The following RTN4 variants were observed in gnomAD, a reference collection of about 807,000 sequenced individuals.
RTN4 encodes reticulon-4.
RTN4 carries 32 observed loss-of-function variants against 90.4 expected under a neutral mutation model. The observed-to-expected ratio is 0.35, with a 90% CI of 0.27 to 0.48. The LOEUF (loss-of-function observed/expected upper bound fraction) is 0.48, where lower values mean the gene tolerates loss of function less well. Among genes scored for constraint, RTN4 ranks in the 20% least tolerant of loss-of-function variants. The pLI is 0.99. For synonymous variants in RTN4, 629 were observed against 552.5 expected, an observed-to-expected ratio of 1.14 and a Z score of -1.94; for missense variants, 1,706 against 1,430.2, an observed-to-expected ratio of 1.19 and a Z score of -3.11.
intron 1 of RTN4, among the ~76,000 whole-genome samples, chr2:55,108,586 G>A (rs1312918289): frequency 6.6e-6 from 1 of 152,022 alleles, no homozygotes; most frequent in Non-Finnish European, 1.5e-5. Flanking sequence ...GTGGAGGGAT[G>A]GGGGAAGAGG....
At chr2:55,058,474 A>AT (rs1668229811) in intron 2 of RTN4, among the ~76,000 whole-genome samples, 1 of 152,210 alleles carries the variant, frequency 6.6e-6, no homozygotes, top group East Asian at 1.9e-4. Context: ...CATGGTGTAC[A>AT]TGCCAGCTAC....
In RTN4 at chr2:55,094,716, G is replaced by A. The variant is rs145696138; in HGVS notation, c.-213-14077C>T. ...TTGAGATGAATGACAAGGAAGAGCTGACTAGGAGACAATCTGGTGGAAAAC... is the reference window on the plus strand; with the variant it reads ...TTGAGATGAATGACAAGGAAGAGCTAACTAGGAGACAATCTGGTGGAAAAC... On this transcript the variant is annotated intron_variant, in intron 1 of 3. Coordinates refer to the RTN4 transcript ENST00000427710. Among the ~76,000 whole-genome samples the A allele has an allele frequency of 3.3e-5, 5 of 152,236 alleles. No homozygotes were observed. The East Asian group carries it at 7.7e-4, about 24-fold the overall frequency.
At chr2:55,014,794 C>T (rs1680910946) in intron 3 of RTN4, among the ~76,000 whole-genome samples, 1 of 152,114 alleles carries the variant, frequency 6.6e-6, no homozygotes, top group African/African-American at 2.4e-5. Flanking sequence ...GGATTACAGA[C>T]GTGAGCCACT....
intron 2 of RTN4, among the ~76,000 whole-genome samples, chr2:55,064,873 T>C (rs1300954560): frequency 6.6e-6 from 1 of 152,226 alleles, no homozygotes; most frequent in Non-Finnish European, 1.5e-5. Flanking sequence ...AATTTTTCCC[T>C]AACATAACTT....
At chr2:55,133,021 G>A in the RTN4 span, among the ~76,000 whole-genome samples, 1 of 151,492 alleles carries the variant, frequency 6.6e-6, no homozygotes, top group Non-Finnish European at 1.5e-5. Flanking sequence ...AGATCATCCT[G>A]ACCAACATGA....
rs201027753 is a variant in RTN4 at position 55,025,311 on chromosome 2, C to T, written c.2788G>A (p.Glu930Lys). The T allele has an allele frequency of 1.2e-4, 198 of 1,613,922 alleles. No individual in the cohort carries two copies. In the East Asian group the frequency reaches 4.2e-3, roughly 34 times the overall value. ...SLKNIQPKVE[E>K]KISFSDDFSK... Reference sequence around the variant, plus strand: ...AAGTCATCTGAGAAACTGATTTTCTCTTCAACTTTGGGTTGTATGTTCTTC... The same window carrying T: ...AAGTCATCTGAGAAACTGATTTTCTTTTCAACTTTGGGTTGTATGTTCTTC... Residue 930 changes from glutamate (E) to lysine (K), a missense_variant, in exon 3 of 9, where the codon GAG (glutamate) becomes AAG (lysine). Coordinates refer to ENST00000337526, the MANE Select transcript of RTN4 (RefSeq NM_020532.5).
At chr2:55,005,580 T>G (rs1680151957) in intron 3 of RTN4, among the ~76,000 whole-genome samples, 1 of 152,192 alleles carries the variant, frequency 6.6e-6, no homozygotes, top group African/African-American at 2.4e-5. Flanking sequence ...CTAAATAACA[T>G]AACCCAGAAA....
At chr2:55,067,694 C>T (rs1159908264) in intron 2 of RTN4, among the ~76,000 whole-genome samples, 2 of 152,094 alleles carry the variant, frequency 1.3e-5, no homozygotes, top group Non-Finnish European at 2.9e-5. Flanking sequence ...GGATTACAGG[C>T]GTGAGCCCCA....
intron 1 of RTN4, among the ~76,000 whole-genome samples, chr2:55,046,533 C>A (rs1287301424): frequency 6.6e-6 from 1 of 152,184 alleles, no homozygotes; most frequent in African/African-American, 2.4e-5. Context: ...AAAAAAGCCC[C>A]CATAAATCCC....
rs1668006421 is a variant in RTN4 at position 55,049,938 on chromosome 2, G to T, written c.363C>A (p.Ser121=). 18 of 1,345,690 alleles carry T rather than the reference G, an allele frequency of 1.3e-5. No individual in the cohort carries two copies. Among genetic ancestry groups the T allele is most frequent in the Non-Finnish European group, 1.7e-5 (18 of 1,054,802 alleles). 83.4% of individuals were successfully genotyped at this position (1,345,690 alleles called of 1,614,324 possible). The change falls in exon 1 of 9, where the codon TCC becomes TCA. Residue 121 remains serine (S), a synonymous_variant. Transcript: ENST00000337526. ...GCGAGACTGCGGCAGCAGACAGCGGGGATGGCGCGGGCACGGTCGACGACA... is the reference window on the plus strand; with the variant it reads ...GCGAGACTGCGGCAGCAGACAGCGGTGATGGCGCGGGCACGGTCGACGACA... ...SPVSSTVPAP[S]PLSAAAVSPS...
upstream of RTN4, among the ~76,000 whole-genome samples, chr2:55,114,420 C>A (rs570487195): frequency 1.3e-5 from 2 of 152,158 alleles, no homozygotes; most frequent in African/African-American, 4.8e-5. Context: ...AACTCCAGGC[C>A]GGGCGTGGTG....
chr2:55,135,749 CAT>C, the RTN4 span, among the ~76,000 whole-genome samples: 1 of 152,166 alleles, frequency 6.6e-6, no homozygotes, highest in Non-Finnish European at 1.5e-5. Flanking sequence ...GCCAATCCCC[CAT>C]CCCTAATTAC....
upstream of RTN4, among the ~76,000 whole-genome samples, chr2:55,051,258 G>T (rs900906519): frequency 6.6e-6 from 1 of 152,106 alleles, no homozygotes; most frequent in African/African-American, 2.4e-5. Context: ...CTCTTACATG[G>T]TAAGAGAGTG....
At chr2:54,979,382 T>A (rs1250943167) in intron 5 of RTN4, among the ~76,000 whole-genome samples, 2 of 152,192 alleles carry the variant, frequency 1.3e-5, no homozygotes, top group Non-Finnish European at 1.5e-5. Context: ...CTTTTTAAAA[T>A]GCTCTCTATA....
At chr2:55,015,069 T>C (rs1174405647) in intron 3 of RTN4, among the ~76,000 whole-genome samples, 4 of 152,212 alleles carry the variant, frequency 2.6e-5, no homozygotes, top group African/African-American at 9.6e-5. Context: ...GCTAAATTTC[T>C]CTGTCCAACT....
chr2:55,086,061 T>C (rs2105037678), intron 1 of RTN4, among the ~76,000 whole-genome samples: 1 of 152,294 alleles, frequency 6.6e-6, no homozygotes, highest in East Asian at 1.9e-4. Context: ...ATAGAGCCCT[T>C]TCTTCATCAC....
intron 3 of RTN4, among the ~76,000 whole-genome samples, chr2:55,011,623 TG>T (rs771290842): frequency 5.9e-5 from 9 of 152,190 alleles, no homozygotes; most frequent in Non-Finnish European, 1.2e-4. Flanking sequence ...CTGCTATCTG[TG>T]GGCTGCAAAA....
At chr2:55,109,294 C>T (rs999552910) in intron 1 of RTN4, among the ~76,000 whole-genome samples, 1 of 152,038 alleles carries the variant, frequency 6.6e-6, no homozygotes, top group African/African-American at 2.4e-5. Context: ...ACAGCCTGAG[C>T]CCTTCAATAA....
intron 3 of RTN4, among the ~76,000 whole-genome samples, chr2:55,021,466 CTTTTTT>C (rs3214741): frequency 2.8e-5 from 4 of 140,774 alleles, no homozygotes; most frequent in Non-Finnish European, 6.2e-5. Context: ...TGCTTTTACA[CTTTTTT>C]TTTTTTTTGT....
Sources: allele counts gnomAD v4.1 joint callset (sites outside exome capture counted in the v4.1 genomes callset), GRCh38; gene constraint gnomAD v4.1.1; transcripts MANE v1.5; gene names NCBI Gene and HGNC (gene_info 2026-07-23, HGNC 2026-07-21).